The following ZFYVE28 variants were observed in gnomAD, a reference collection of about 807,000 sequenced individuals.
ZFYVE28 encodes the protein zinc finger FYVE-type containing 28.
A neutral mutation model predicts 82.1 loss-of-function variants in ZFYVE28; 40 were observed. That is an observed-to-expected ratio of 0.49 (90% CI 0.38 to 0.63). ZFYVE28 has a LOEUF of 0.63. Among genes scored for constraint, ZFYVE28 ranks in the 30% least tolerant of loss-of-function variants. The pLI, the probability that ZFYVE28 is intolerant of heterozygous loss-of-function variation, is 0.00. For missense variants in ZFYVE28, 1,321 were observed against 1,242.1 expected (o/e 1.06, Z -0.96); for synonymous variants, 612 against 546.1 (o/e 1.12, Z -1.68).
chr4:2,323,702 C>T (rs1186578485), intron 6 of ZFYVE28, among the ~76,000 whole-genome samples: 56 of 114,526 alleles, frequency 4.9e-4, no homozygotes, highest in African/African-American at 1.5e-3. Flanking sequence ...CCTCCCCCCA[C>T]CCCACAACAG....
chr4:2,381,902 G>C (rs1728766004), intron 1 of ZFYVE28, among the ~76,000 whole-genome samples: 1 of 152,200 alleles, frequency 6.6e-6, no homozygotes, highest in Non-Finnish European at 1.5e-5. Context: ...TGGTTTCATG[G>C]GCCAGGCCCA....
chr4:2,273,300 A>C lies in ZFYVE28; in HGVS notation c.2207-11T>G, dbSNP rs771567173. 22 of 1,607,462 alleles carry C rather than the reference A, an allele frequency of 1.4e-5. No individual in the cohort carries two copies. In the African/African-American group the frequency reaches 1.5e-4, roughly 11 times the overall value. On this transcript the variant is annotated splice_polypyrimidine_tract_variant and intron_variant, in intron 9 of 12. Transcript: ENST00000290974. ...GCTGGTCAGCCACACCTGAGGAAGG[A>C]AGGCCACAGTAACCACGACAGAAGG... is the stretch of plus-strand genomic sequence containing the variant.
intron 7 of ZFYVE28, among the ~76,000 whole-genome samples, chr4:2,310,059 G>C (rs948406214): frequency 6.6e-6 from 1 of 151,628 alleles, no homozygotes; most frequent in Non-Finnish European, 1.5e-5. Flanking sequence ...TTAATTTTGA[G>C]ATAATGTCTT....
intron 5 of ZFYVE28, among the ~76,000 whole-genome samples, chr4:2,336,563 C>T (rs866017005): frequency 4.0e-5 from 2 of 49,988 alleles, no homozygotes; most frequent in East Asian, 5.6e-4. Flanking sequence ...CTTCCCCCTG[C>T]CCCCCCCACT....
intron 8 of ZFYVE28, among the ~76,000 whole-genome samples, chr4:2,290,357 C>G (rs1271662702): frequency 6.6e-6 from 1 of 152,178 alleles, no homozygotes; most frequent in African/African-American, 2.4e-5. Flanking sequence ...AAGTGTGATC[C>G]TTCAGAGGAT....
chr4:2,387,191 C>A (rs1335869266), intron 1 of ZFYVE28, among the ~76,000 whole-genome samples: 1 of 152,140 alleles, frequency 6.6e-6, no homozygotes, highest in Non-Finnish European at 1.5e-5. Context: ...GCCTAGGGTC[C>A]CCCAAGGCTC....
chr4:2,357,258 C>T (rs1483406860), intron 1 of ZFYVE28, among the ~76,000 whole-genome samples: 3 of 152,210 alleles, frequency 2.0e-5, no homozygotes, highest in Admixed American at 1.3e-4. Flanking sequence ...CCCTAGAATT[C>T]TGACCCAGCT....
rs1355379154 is a variant in ZFYVE28 at position 2,418,287 on chromosome 4, T to C, written c.37A>G (p.Lys13Glu). ...NRFRKWLYKP[K>E]RSDPQLLARF... ...CCGGCCCGAGCGGGGCCGCTCACCT[T>C]GGGTTTGTAGAGCCACTTTCGGAAC... The change falls in exon 1 of 13, where the codon AAG (lysine) becomes GAG (glutamate). Residue 13 changes from lysine to glutamate, a missense_variant and splice_region_variant. By Grantham distance (56) the Lys-to-Glu change is moderately conservative. This residue lies in a region of ZFYVE28 where 343 missense variants were observed against 408.4 expected (regional missense o/e 0.84). Coordinates refer to ENST00000290974, the MANE Select transcript of ZFYVE28 (RefSeq NM_020972.3). This position sits in a 1 kb window ranked among gnomAD's most constrained non-coding sequence, Gnocchi z 4.6. The C allele has an allele frequency of 6.5e-7, 1 of 1,536,932 alleles. No individual in the cohort carries two copies. Among genetic ancestry groups the C allele is most frequent in the East Asian group, 2.6e-5 (1 of 38,754 alleles).
At chr4:2,315,190 T>A (rs1017343582) in intron 7 of ZFYVE28, among the ~76,000 whole-genome samples, 8 of 152,268 alleles carry the variant, frequency 5.3e-5, no homozygotes, top group African/African-American at 1.9e-4. Context: ...TGTTTTGGAA[T>A]AATTCATGAA....
In ZFYVE28 at chr4:2,304,856, G is replaced by T. The variant is rs140730787; in HGVS notation, c.1484C>A (p.Ala495Glu). The change falls in exon 8 of 13, where the codon GCG becomes GAG. Residue 495 changes from alanine to glutamate, a missense_variant. Ala to Glu is a moderately radical substitution (Grantham distance 107). This residue lies in a region of ZFYVE28 where 978 missense variants were observed against 833.7 expected (regional missense o/e 1.17). Transcript: ENST00000290974. The stretch of plus-strand genomic sequence containing the variant: ...CATCTCAGCCGTCTCTGCGTCATCC[G>T]CACCCACCTCCCAGCCGTCCAGGTG... ...RLHLDGWEVGADDAETAEMIA... is the reference protein window; with the variant it reads ...RLHLDGWEVGEDDAETAEMIA... The T allele has an allele frequency of 6.8e-6, 11 of 1,612,482 alleles. No individual in the cohort carries two copies. The highest frequency in any genetic ancestry group is 9.3e-6 in the Non-Finnish European group (11 of 1,179,868).
chr4:2,335,109 C>A lies in ZFYVE28; in HGVS notation c.701+596G>T, dbSNP rs1721463056. Among the ~76,000 whole-genome samples the A allele has an allele frequency of 6.6e-6, 1 of 151,508 alleles. No individual in the cohort carries two copies. The highest frequency in any genetic ancestry group is 1.5e-5 in the Non-Finnish European group (1 of 67,874). On this transcript the variant is annotated intron_variant, in intron 6 of 12. Coordinates refer to ENST00000290974, the MANE Select transcript of ZFYVE28 (RefSeq NM_020972.3). The surrounding 1 kb of genome is among the most constrained non-coding windows in gnomAD (Gnocchi z 5.8). Reference sequence around the variant, plus strand: ...TGTGCTGTGTTCACGTCCTTGAGCCCCACAGGACCCTACAGGCTGCCTTGA... The same window carrying A: ...TGTGCTGTGTTCACGTCCTTGAGCCACACAGGACCCTACAGGCTGCCTTGA...
At chr4:2,275,739 C>T (rs1254541940) in intron 8 of ZFYVE28, among the ~76,000 whole-genome samples, 5 of 152,234 alleles carry the variant, frequency 3.3e-5, no homozygotes, top group Middle Eastern at 3.2e-3. Flanking sequence ...ATGTTCGCAC[C>T]GTTTCAGTAA....
chr4:2,317,920 A>G (rs946105290), intron 7 of ZFYVE28, among the ~76,000 whole-genome samples: 3 of 152,166 alleles, frequency 2.0e-5, no homozygotes, highest in Non-Finnish European at 2.9e-5. Flanking sequence ...GGCATGAGCC[A>G]CCGCGCCGGC....
chr4:2,323,047 T>C (rs1719334598), intron 6 of ZFYVE28, among the ~76,000 whole-genome samples: 1 of 152,246 alleles, frequency 6.6e-6, no homozygotes, highest in Admixed American at 6.5e-5. Flanking sequence ...TTTTCATTTC[T>C]CTTGGGTATA....
intron 1 of ZFYVE28, among the ~76,000 whole-genome samples, chr4:2,358,975 CT>C (rs34020284): frequency 3.5e-3 from 434 of 125,754 alleles, no homozygotes; most frequent in Non-Finnish European, 3.9e-3. Flanking sequence ...CCAATTTTTT[CT>C]TTTTTTTTTT....
At chr4:2,346,341 CAA>C (rs533714412) in intron 2 of ZFYVE28, among the ~76,000 whole-genome samples, 4 of 98,088 alleles carry the variant, frequency 4.1e-5, no homozygotes, top group Admixed American at 1.1e-4. Flanking sequence ...GACTCCATCT[CAA>C]AAAAAAAAAA....
In ZFYVE28 at chr4:2,269,610, T is replaced by C. The variant is rs1350798439; in HGVS notation, c.*1115A>G. On this transcript the variant is annotated 3_prime_UTR_variant, in exon 13 of 13. Transcript: ENST00000290974. ...AAGGAGAGCGTCTGCAATCCTTAAA[T>C]AGATTTATGGAAATGGCTTCAAATT... 6.6e-6 allele frequency: 1 copy of C among 152,156 alleles called. No individual in the cohort carries two copies. Among genetic ancestry groups the C allele is most frequent in the Non-Finnish European group, 1.5e-5 (1 of 68,028 alleles). The allele number at this position is 152,156 out of a possible 1,614,324, so 9.4% of individuals were successfully genotyped here. A position where few individuals can be genotyped will look rare whatever the true frequency, so the allele number is the denominator to read the frequency against.
intron 1 of ZFYVE28, among the ~76,000 whole-genome samples, chr4:2,363,414 G>A (rs1726428784): frequency 6.6e-6 from 1 of 152,102 alleles, no homozygotes; most frequent in Non-Finnish European, 1.5e-5. Flanking sequence ...GGGAGGAACC[G>A]CCTGGGCTTT....
chr4:2,338,936 T>A (rs957081709), intron 4 of ZFYVE28, among the ~76,000 whole-genome samples: 2 of 152,152 alleles, frequency 1.3e-5, no homozygotes, highest in Admixed American at 1.3e-4. Context: ...GCGGTTCTCT[T>A]GCCTCAGCTT....
Sources: gnomAD v4.1 joint callset for allele counts (sites outside exome capture counted in the v4.1 genomes callset) on GRCh38, gnomAD v4.1.1 for gene constraint, gnomAD v4.1.1 regional missense constraint, Gnocchi (gnomAD v3.1) non-coding constraint, MANE v1.5 for transcripts, NCBI Gene and HGNC (gene_info 2026-07-23, HGNC 2026-07-21) for gene names.